The following NOL10 variants were observed in gnomAD, a reference collection of about 807,000 sequenced individuals.
NOL10 encodes the protein nucleolar protein 10.
In NOL10, 58 loss-of-function variants were observed where a neutral mutation model predicts 103.5. That is an observed-to-expected ratio of 0.56 (90% confidence interval 0.45 to 0.70). The LOEUF (loss-of-function observed/expected upper bound fraction) is 0.70. Ranked by LOEUF, NOL10 falls within the 30% of genes least tolerant of loss-of-function variation. The pLI is 0.00. For missense variants in NOL10, 763 were observed against 807.3 expected (o/e 0.95, Z 0.67); for synonymous variants, 287 against 282.5 (o/e 1.02, Z -0.16).
intron 8 of NOL10, among the ~76,000 whole-genome samples, 174 bp downstream of exon 8, chr2:10,667,044 G>T (rs865801335): frequency 1.3e-5 from 2 of 152,114 alleles, no homozygotes; most frequent in Non-Finnish European, 2.9e-5. Context: ...TCATTTAAAA[G>T]AAAAATGTTG....
At chr2:10,635,664 A>T (rs1678160735) in intron 13 of NOL10, among the ~76,000 whole-genome samples, 1 of 152,002 alleles carries the variant, frequency 6.6e-6, no homozygotes, top group Non-Finnish European at 1.5e-5. Flanking sequence ...GTTTATCACC[A>T]CCCCTCACCT....
chr2:10,686,299 C>G (rs534110881), intron 1 of NOL10, among the ~76,000 whole-genome samples: 7 of 152,232 alleles, frequency 4.6e-5, no homozygotes, highest in Admixed American at 2.0e-4. Flanking sequence ...GCCTGGAGAA[C>G]ATCTGGGAAA....
chr2:10,607,151 A>T (rs1404241362), intron 14 of NOL10, 34 bp downstream of exon 14: 2 of 1,420,008 alleles, frequency 1.4e-6, no homozygotes, highest in South Asian at 2.8e-5. Context: ...AAATAAAGTA[A>T]TTACATAATA....
At chr2:10,595,264 G>C (rs1309863513) in intron 17 of NOL10, among the ~76,000 whole-genome samples, 1 of 152,050 alleles carries the variant, frequency 6.6e-6, no homozygotes, top group Non-Finnish European at 1.5e-5. Flanking sequence ...GAGGAAAAGG[G>C]GCAGACAATG....
intron 13 of NOL10, among the ~76,000 whole-genome samples, chr2:10,643,217 C>T (rs757496254): frequency 2.6e-5 from 4 of 152,128 alleles, no homozygotes; most frequent in South Asian, 2.1e-4. Flanking sequence ...GTCAGTATCC[C>T]GAAACCACAG....
intron 13 of NOL10, among the ~76,000 whole-genome samples, chr2:10,635,064 A>G (rs1678109851): frequency 6.6e-6 from 1 of 152,220 alleles, no homozygotes; most frequent in African/African-American, 2.4e-5. Context: ...TATAAAAATA[A>G]TGAGATATCT....
chr2:10,653,104 G>A (rs1442535103), intron 12 of NOL10, among the ~76,000 whole-genome samples: 2 of 151,336 alleles, frequency 1.3e-5, no homozygotes, highest in African/African-American at 4.9e-5. Flanking sequence ...GCTGAGGCAT[G>A]AGAATCGCTT....
chr2:10,630,242 G>A (rs1677743881), intron 13 of NOL10, among the ~76,000 whole-genome samples: 1 of 152,168 alleles, frequency 6.6e-6, no homozygotes, highest in African/African-American at 2.4e-5. Flanking sequence ...TGTTGCTCAA[G>A]AAACTAGTGT....
intron 13 of NOL10, among the ~76,000 whole-genome samples, chr2:10,639,637 T>A (rs534005540): frequency 6.6e-6 from 1 of 152,088 alleles, no homozygotes; most frequent in African/African-American, 2.4e-5. Context: ...TTGGGTGCCA[T>A]AGGGGACTTG....
At chr2:10,592,943 C>T (rs1020927935) in intron 17 of NOL10, among the ~76,000 whole-genome samples, 4 of 151,856 alleles carry the variant, frequency 2.6e-5, no homozygotes, top group Non-Finnish European at 4.4e-5. Context: ...GCTAGTGATC[C>T]GTCCTATAAA....
At chr2:10,689,043 A>C (rs1007789058) in intron 1 of NOL10, among the ~76,000 whole-genome samples, 1 of 152,200 alleles carries the variant, frequency 6.6e-6, no homozygotes, top group African/African-American at 2.4e-5. Context: ...TCAAAATGGA[A>C]ATGAGCTTCC....
At chr2:10,688,871 G>C (rs1682405689) in intron 1 of NOL10, among the ~76,000 whole-genome samples, 1 of 152,180 alleles carries the variant, frequency 6.6e-6, no homozygotes, top group Admixed American at 6.6e-5. Flanking sequence ...CAGAATTTTA[G>C]GAAGAAAGGA....
chr2:10,672,129 A>T (rs540508843), intron 5 of NOL10, among the ~76,000 whole-genome samples: 1 of 152,178 alleles, frequency 6.6e-6, no homozygotes, highest in East Asian at 1.9e-4. Flanking sequence ...GGAGCTTGAG[A>T]CCAGCCTGAC....
Position 10,659,239 on chromosome 2 carries a change from A to G in NOL10, c.689T>C (p.Leu230Ser). The G allele has an allele frequency of 6.3e-7, 1 of 1,596,222 alleles. No individual in the cohort carries two copies. The highest frequency in any genetic ancestry group is 8.5e-7 in the Non-Finnish European group (1 of 1,170,544). ...AAATTTCAAAGCAGAGATTGTTGGT[A>G]AACTGTTTATCCTGAAAAGCAAAAT... The part of the protein sequence containing the change: ...SVTADSEINS[L>S]PTISALKFNG... Residue 230 changes from leucine to serine, a missense_variant, in exon 10 of 21, where the codon TTA becomes TCA. Physicochemically the swap from Leu to Ser is moderately radical, Grantham distance 145. Coordinates refer to ENST00000381685, the MANE Select transcript of NOL10 (RefSeq NM_024894.4).
intron 2 of NOL10, 94 bp downstream of exon 2, chr2:10,684,473 C>A (rs1682007594): frequency 2.0e-6 from 2 of 998,140 alleles, no homozygotes; most frequent in African/African-American, 3.3e-5. Flanking sequence ...TTACCGCATT[C>A]TTATAAATCC....
chr2:10,589,472 T>A, intron 18 of NOL10, 106 bp downstream of exon 18: 1 of 1,203,458 alleles, frequency 8.3e-7, no homozygotes. Context: ...ACACTTAATA[T>A]GGAATTAATT....
intron 13 of NOL10, among the ~76,000 whole-genome samples, chr2:10,617,019 A>G (rs6432127): frequency 0.25 from 37,381 of 151,736 alleles, 6,563 homozygotes; most frequent in African/African-American, 0.45. Flanking sequence ...AAAACACAGA[A>G]CAATCCCCAC....
At chr2:10,648,177 T>C (rs1244965871) in intron 12 of NOL10, among the ~76,000 whole-genome samples, 3 of 152,206 alleles carry the variant, frequency 2.0e-5, no homozygotes, top group African/African-American at 7.2e-5. Flanking sequence ...TTTCCCAATA[T>C]ACTGAGCAGC....
At chr2:10,642,702 G>C (rs1454793825) in intron 13 of NOL10, among the ~76,000 whole-genome samples, 1 of 151,978 alleles carries the variant, frequency 6.6e-6, no homozygotes, top group Non-Finnish European at 1.5e-5. Flanking sequence ...TCTCCCACTG[G>C]GCACCTCACT....
Sources: gnomAD v4.1 joint callset for allele counts (sites outside exome capture counted in the v4.1 genomes callset) on GRCh38, gnomAD v4.1.1 for gene constraint, MANE v1.5 for transcripts, NCBI Gene and HGNC (gene_info 2026-07-23, HGNC 2026-07-21) for gene names.